The following MEF2C variants were observed in gnomAD, a reference collection of about 807,000 sequenced individuals.
The protein encoded by MEF2C is myocyte-specific enhancer factor 2C.
Under a neutral mutation model 50.5 loss-of-function variants are expected in MEF2C, and 6 were observed. The ratio of observed to expected loss-of-function variants is 0.12; its 90% CI spans 0.07 to 0.23. MEF2C has a LOEUF of 0.23. Ranked by LOEUF, MEF2C falls within the 10% of genes least tolerant of loss-of-function variation. The probability of loss-of-function intolerance (pLI) is 1.00; values close to 1 mark genes in which losing one functional copy is unlikely to be tolerated. For missense variants in MEF2C, 276 were observed against 605.0 expected (o/e 0.46, Z 5.70); for synonymous variants, 183 against 228.0 (o/e 0.80, Z 1.78).
chr5:88,801,543 A>T (rs899602564), intron 3 of MEF2C, among the ~76,000 whole-genome samples: 4 of 150,706 alleles, frequency 2.7e-5, no homozygotes, highest in African/African-American at 9.8e-5. Flanking sequence ...CCTGCGCCAG[A>T]GTGCAGTGGC....
rs529219465 is a variant in MEF2C, at chr5:88,748,073, T to C, written c.637+997A>G. On this transcript the variant is annotated intron_variant, in intron 6 of 10. Transcript: ENST00000504921. ...TGTAGGTCTAATACTTTTTCTTCATTATTCAGTGAATTAGTGAAGAGCCAG... is the reference window on the plus strand; with the variant it reads ...TGTAGGTCTAATACTTTTTCTTCATCATTCAGTGAATTAGTGAAGAGCCAG... 314 of 985,042 alleles carry C rather than the reference T, an allele frequency of 3.2e-4. 1 individual carries two copies. In the African/African-American group the frequency reaches 5.2e-3, roughly 16 times the overall value. 61.0% of individuals were successfully genotyped at this position (985,042 alleles called of 1,614,324 possible).
At chr5:88,751,543 A>G in intron 5 of MEF2C, 1 of 985,214 alleles carries the variant, frequency 1.0e-6, no homozygotes, top group Non-Finnish European at 1.2e-6. Flanking sequence ...TTAGGCAGGG[A>G]GGACGAGCAG....
intron 3 of MEF2C, chr5:88,772,863 A>C: frequency 2.0e-6 from 2 of 985,452 alleles, no homozygotes; most frequent in Non-Finnish European, 2.4e-6. Flanking sequence ...CTCCCCAGTT[A>C]ATATGCCCTG....
intron 1 of MEF2C, among the ~76,000 whole-genome samples, chr5:88,854,825 A>C (rs1181330373): frequency 1.3e-5 from 2 of 152,244 alleles, no homozygotes; most frequent in Admixed American, 1.3e-4. Context: ...AATCATGTTT[A>C]CTGAAGTCAC....
At chr5:88,803,180 G>A (rs1414507970) in intron 3 of MEF2C, among the ~76,000 whole-genome samples, 2 of 152,064 alleles carry the variant, frequency 1.3e-5, no homozygotes, top group African/African-American at 4.8e-5. Flanking sequence ...CAAGATCAAG[G>A]CAAGCACACA....
chr5:88,734,050 G>GT (rs1762801921), intron 6 of MEF2C: 1 of 983,908 alleles, frequency 1.0e-6, no homozygotes, highest in African/African-American at 1.8e-5. Context: ...ACAAAAGAGA[G>GT]TATGTTCACT....
intron 6 of MEF2C, chr5:88,738,535 A>G: frequency 1.1e-6 from 1 of 899,646 alleles, no homozygotes; most frequent in Non-Finnish European, 1.3e-6. Context: ...AACAGCTATC[A>G]ACTGGTGAAG....
rs532035823 is a variant in MEF2C, at chr5:88,873,387, T to C, written c.-143+9568A>G. Among the ~76,000 whole-genome samples, 3 of 151,988 alleles carry C rather than the reference T, an allele frequency of 2.0e-5. No individual in the cohort carries two copies. In the South Asian group the frequency reaches 6.2e-4, roughly 31 times the overall value. ...AAACAATTCTGTCGCCCATGTGTAG[T>C]CAAAACAAGTTAAAAGTGCACTTGC... On this transcript the variant is annotated intron_variant, in intron 1 of 10. Coordinates refer to ENST00000504921, the MANE Select transcript of MEF2C (RefSeq NM_002397.5).
At chr5:88,864,901 G>A (rs947552941) in intron 1 of MEF2C, among the ~76,000 whole-genome samples, 4 of 151,798 alleles carry the variant, frequency 2.6e-5, no homozygotes, top group Non-Finnish European at 5.9e-5. Context: ...CTGAGTAGTT[G>A]GGATTACAGG....
At chr5:88,732,637 T>A (rs138282295) in intron 6 of MEF2C, 17 of 152,316 alleles carry the variant, frequency 1.1e-4, no homozygotes, top group African/African-American at 4.1e-4. Flanking sequence ...TTTTCTTAGG[T>A]CTCTGATGTT....
At chr5:88,825,628 T>A in intron 1 of MEF2C, 1 of 984,916 alleles carries the variant, frequency 1.0e-6, no homozygotes, top group Non-Finnish European at 1.2e-6. Context: ...CATCATATAT[T>A]TGATGTTGCT....
intron 6 of MEF2C, among the ~76,000 whole-genome samples, chr5:88,732,240 T>C (rs1384860562): frequency 6.6e-6 from 1 of 152,164 alleles, no homozygotes; most frequent in Non-Finnish European, 1.5e-5. Context: ...GCACTTTAAT[T>C]GACTAGCTTG....
intron 1 of MEF2C, among the ~76,000 whole-genome samples, chr5:88,832,634 T>G (rs2153233013): frequency 6.6e-6 from 1 of 152,172 alleles, no homozygotes; most frequent in Admixed American, 6.6e-5. Context: ...GATTCTAAAG[T>G]CTAATACCTG....
At chr5:88,880,702 A>C (rs1422831534) in intron 1 of MEF2C, 1 of 152,036 alleles carries the variant, frequency 6.6e-6, no homozygotes, top group Admixed American at 6.6e-5. Context: ...AAATTTTTCA[A>C]AATGAACATG....
chr5:88,791,852 T>G (rs1793897839), intron 3 of MEF2C, among the ~76,000 whole-genome samples: 1 of 152,036 alleles, frequency 6.6e-6, no homozygotes, highest in South Asian at 2.1e-4. Flanking sequence ...AAAAACTTTT[T>G]AAATAACAAA....
chr5:88,881,510 T>A (rs531103323), intron 1 of MEF2C, among the ~76,000 whole-genome samples: 4 of 152,216 alleles, frequency 2.6e-5, no homozygotes, highest in Admixed American at 6.5e-5. Flanking sequence ...TGACATTTTT[T>A]AAAATTAAAT....
At chr5:88,750,927 T>C (rs1772435143) in intron 5 of MEF2C, among the ~76,000 whole-genome samples, 1 of 152,220 alleles carries the variant, frequency 6.6e-6, no homozygotes, top group African/African-American at 2.4e-5. Context: ...AAAAATTTCC[T>C]ATAGAGTACT....
intron 3 of MEF2C, among the ~76,000 whole-genome samples, chr5:88,797,455 CTTTTTT>C (rs879036291): frequency 1.6e-5 from 1 of 63,284 alleles, no homozygotes; most frequent in African/African-American, 7.7e-5. Context: ...CAACCCTTGC[CTTTTTT>C]TTTTTTTTTT....
intron 1 of MEF2C, among the ~76,000 whole-genome samples, chr5:88,896,198 A>G (rs1338689666): frequency 2.0e-5 from 3 of 152,204 alleles, no homozygotes; most frequent in Non-Finnish European, 4.4e-5. Flanking sequence ...TTGAAAATTT[A>G]TATACTTAAA....
Sources: allele counts gnomAD v4.1 joint callset (sites outside exome capture counted in the v4.1 genomes callset), GRCh38; gene constraint gnomAD v4.1.1; transcripts MANE v1.5; gene names NCBI Gene and HGNC (gene_info 2026-07-23, HGNC 2026-07-21).